The following KIAA1549L variants were observed in gnomAD, a reference collection of about 807,000 sequenced individuals.
The protein encoded by KIAA1549L is KIAA1549 like, also known as UPF0606 protein KIAA1549L.
In KIAA1549L, 88 loss-of-function variants were observed where a neutral mutation model predicts 160.7. The observed-to-expected ratio is 0.55, with a 90% CI of 0.46 to 0.65. The LOEUF is 0.65. Among genes scored for constraint, KIAA1549L ranks in the 30% least tolerant of loss-of-function variants. The pLI is 0.00. For synonymous variants in KIAA1549L, 950 were observed against 976.7 expected (o/e 0.97, Z 0.51); for missense variants, 2,258 against 2,437.5 (o/e 0.93, Z 1.55).
chr11:33,644,947 C>T (rs996823990), intron 16 of KIAA1549L, among the ~76,000 whole-genome samples: 4 of 152,238 alleles, frequency 2.6e-5, no homozygotes, highest in Non-Finnish European at 5.9e-5. Context: ...CAGGCAAGCA[C>T]GAGACCGTCC....
intron 1 of KIAA1549L, among the ~76,000 whole-genome samples, chr11:33,530,892 A>C (rs7482718): frequency 6.6e-6 from 1 of 152,212 alleles, no homozygotes; most frequent in African/African-American, 2.4e-5. Context: ...TGATTTTGTT[A>C]TGTTAAAAGA....
intron 1 of KIAA1549L, among the ~76,000 whole-genome samples, chr11:33,506,298 T>A (rs565486152): frequency 1.3e-5 from 2 of 152,268 alleles, no homozygotes; most frequent in South Asian, 4.2e-4. Flanking sequence ...TTGCTCTCCT[T>A]GAGATGCAGT....
rs140952798 is a variant in KIAA1549L, at chr11:33,579,621, T to C, written c.4403-3717T>C. ...CACTGATGGGATATCAAGGGTGTGA[T>C]AGGATATCCTAGGAAGGTTAAGAAA... On this transcript the variant is annotated intron_variant, in intron 10 of 20. Coordinates refer to ENST00000658780, the MANE Select transcript of KIAA1549L (RefSeq NM_012194.3). Among the ~76,000 whole-genome samples, 1,052 of 152,258 alleles carry C rather than the reference T, an allele frequency of 6.9e-3. 7 individuals are homozygous for C. The highest frequency in any genetic ancestry group is 0.011 in the Non-Finnish European group (721 of 68,006).
chr11:33,458,075 G>A (rs780843364), intron 1 of KIAA1549L, among the ~76,000 whole-genome samples: 5 of 152,210 alleles, frequency 3.3e-5, no homozygotes, highest in Non-Finnish European at 7.3e-5. Context: ...GGATGACAGA[G>A]AAGTGGCTAT....
At chr11:33,666,101 A>C (rs1442867371) in intron 20 of KIAA1549L, among the ~76,000 whole-genome samples, 1 of 152,004 alleles carries the variant, frequency 6.6e-6, no homozygotes, top group Admixed American at 6.5e-5. Flanking sequence ...GCCCCCTCCA[A>C]ATCCACAGGG....
chr11:33,475,501 A>G (rs1324746459), intron 1 of KIAA1549L, among the ~76,000 whole-genome samples: 1 of 151,424 alleles, frequency 6.6e-6, no homozygotes, highest in Non-Finnish European at 1.5e-5. Context: ...AGGTTATAGT[A>G]AGCTATAATC....
chr11:33,578,236 G>A (rs1467829678), intron 10 of KIAA1549L, among the ~76,000 whole-genome samples: 1 of 152,124 alleles, frequency 6.6e-6, no homozygotes, highest in African/African-American at 2.4e-5. Context: ...ACTCATGGAG[G>A]CTTTTCGGAG....
intron 1 of KIAA1549L, among the ~76,000 whole-genome samples, chr11:33,531,972 A>G (rs1478070648): frequency 6.6e-6 from 1 of 152,192 alleles, no homozygotes; most frequent in Non-Finnish European, 1.5e-5. Flanking sequence ...TGTGGGCCCC[A>G]GTCTTCTCAG....
intron 10 of KIAA1549L, among the ~76,000 whole-genome samples, chr11:33,577,405 A>T (rs892523009): frequency 2.0e-5 from 3 of 152,298 alleles, no homozygotes; most frequent in Admixed American, 2.0e-4. Flanking sequence ...TATTGAGAGG[A>T]TGCTGTCATG....
chr11:33,423,422 G>C (rs1435092131), intron 1 of KIAA1549L, among the ~76,000 whole-genome samples: 2 of 152,194 alleles, frequency 1.3e-5, no homozygotes, highest in African/African-American at 4.8e-5. Context: ...CTGGTTTTAA[G>C]AAGGAATGAG....
At chr11:33,464,748 A>G (rs891105938) in intron 1 of KIAA1549L, among the ~76,000 whole-genome samples, 9 of 152,074 alleles carry the variant, frequency 5.9e-5, no homozygotes, top group South Asian at 2.1e-4. Flanking sequence ...AGGGCTCTCC[A>G]TGGTTCCAGG....
intron 1 of KIAA1549L, among the ~76,000 whole-genome samples, chr11:33,413,409 G>A (rs571431430): frequency 1.3e-5 from 2 of 148,594 alleles, no homozygotes; most frequent in Non-Finnish European, 3.0e-5. Context: ...CTGCGCGCCA[G>A]CTGGGGAGAC....
chr11:33,583,378 T>C lies in KIAA1549L; in HGVS notation c.4443T>C (p.Ala1481=). 2 of 1,606,184 alleles carry C rather than the reference T, an allele frequency of 1.2e-6. No individual in the cohort carries two copies. The highest frequency in any genetic ancestry group is 1.7e-6 in the Non-Finnish European group (2 of 1,176,426). The part of the protein sequence containing the change: ...KNPPNNLWII[A]AVLAPIAVVT... Reference sequence around the variant, plus strand: ...CGCCCAATAACCTGTGGATCATCGCTGCAGTGCTGGCGCCCATTGCCGTGG... The same window carrying C: ...CGCCCAATAACCTGTGGATCATCGCCGCAGTGCTGGCGCCCATTGCCGTGG... The change falls in exon 11 of 21, where the codon GCT becomes GCC. Residue 1481 remains alanine (A), a synonymous_variant. Transcript: ENST00000658780.
intron 1 of KIAA1549L, among the ~76,000 whole-genome samples, chr11:33,401,067 A>G (rs1409153381): frequency 6.6e-6 from 1 of 151,904 alleles, no homozygotes; most frequent in East Asian, 1.9e-4. Context: ...AGATGAAGCA[A>G]TTGTGTCTGA....
intron 1 of KIAA1549L, among the ~76,000 whole-genome samples, chr11:33,391,214 T>C (rs1260777423): frequency 6.6e-6 from 1 of 152,218 alleles, no homozygotes; most frequent in Admixed American, 6.5e-5. Flanking sequence ...TTGTGACATA[T>C]AATTAACCCT....
chr11:33,404,504 G>A (rs1219989245), intron 1 of KIAA1549L, among the ~76,000 whole-genome samples: 1 of 151,952 alleles, frequency 6.6e-6, no homozygotes, highest in African/African-American at 2.4e-5. Context: ...TCCAGCCTGG[G>A]CGACAGAGCG....
intron 1 of KIAA1549L, among the ~76,000 whole-genome samples, chr11:33,516,615 T>G (rs980533982): frequency 1.3e-5 from 2 of 152,248 alleles, no homozygotes; most frequent in Admixed American, 6.5e-5. Context: ...TTATTCCTAA[T>G]TCTCTGAAGT....
intron 1 of KIAA1549L, among the ~76,000 whole-genome samples, chr11:33,466,770 A>G (rs1429959927): frequency 1.3e-5 from 2 of 152,202 alleles, no homozygotes; most frequent in African/African-American, 4.8e-5. Context: ...CATATACACT[A>G]TGGAATACTA....
At chr11:33,559,067 A>C (rs1324377719) in intron 6 of KIAA1549L, among the ~76,000 whole-genome samples, 1 of 151,724 alleles carries the variant, frequency 6.6e-6, no homozygotes, top group Non-Finnish European at 1.5e-5. Flanking sequence ...TGAACTCCCA[A>C]CCTCAGGTGA....
Sources: allele counts gnomAD v4.1 joint callset (sites outside exome capture counted in the v4.1 genomes callset), GRCh38; gene constraint gnomAD v4.1.1; transcripts MANE v1.5; gene names NCBI Gene and HGNC (gene_info 2026-07-23, HGNC 2026-07-21).